SLC24A3: variants seen among roughly 807,000 people sequenced by gnomAD.
SLC24A3 encodes solute carrier family 24 member 3.
In SLC24A3, 28 loss-of-function variants were observed where a neutral mutation model predicts 75.8. That is an observed-to-expected ratio of 0.37 (90% CI 0.27 to 0.51). The LOEUF is 0.51. SLC24A3 is among the 20% of genes least tolerant of loss of function. SLC24A3 has a pLI of 0.94. For synonymous variants in SLC24A3, 372 were observed against 334.1 expected, an observed-to-expected ratio of 1.11 and a Z score of -1.24; for missense variants, 663 against 847.8, an observed-to-expected ratio of 0.78 and a Z score of 2.71.
At chr20:19,242,143 GAA>G (rs781314037) in intron 1 of SLC24A3, among the ~76,000 whole-genome samples, 28 of 152,068 alleles carry the variant, frequency 1.8e-4, no homozygotes, top group Non-Finnish European at 2.8e-4. Context: ...GAATTTCCTG[GAA>G]AAGGCAGAGG....
At chr20:19,310,560 G>A (rs1218655904) in intron 2 of SLC24A3, among the ~76,000 whole-genome samples, 2 of 152,178 alleles carry the variant, frequency 1.3e-5, no homozygotes, top group Non-Finnish European at 2.9e-5. Flanking sequence ...TGGAAGGTCC[G>A]GGTTGCTTCA....
intron 2 of SLC24A3, among the ~76,000 whole-genome samples, chr20:19,484,395 T>C (rs1216188812): frequency 1.3e-5 from 2 of 152,238 alleles, no homozygotes; most frequent in Non-Finnish European, 2.9e-5. Flanking sequence ...GATTTTCTAC[T>C]TGTGGCATCA....
intron 6 of SLC24A3, among the ~76,000 whole-genome samples, chr20:19,608,400 A>G (rs1177644696): frequency 6.6e-6 from 1 of 152,248 alleles, no homozygotes; most frequent in East Asian, 1.9e-4. Context: ...AATGATTACC[A>G]AATGGATTGT....
intron 2 of SLC24A3, among the ~76,000 whole-genome samples, chr20:19,445,725 G>C (rs757847742): frequency 3.9e-5 from 6 of 152,126 alleles, no homozygotes; most frequent in Non-Finnish European, 8.8e-5. Flanking sequence ...GACAAAGTCA[G>C]CTCTGACAGC....
intron 2 of SLC24A3, among the ~76,000 whole-genome samples, chr20:19,388,373 CTT>C (rs1986307388): frequency 1.3e-5 from 2 of 151,924 alleles, no homozygotes; most frequent in Non-Finnish European, 2.9e-5. Context: ...TTTTTTGTCT[CTT>C]GTGACAGTTT....
intron 6 of SLC24A3, among the ~76,000 whole-genome samples, chr20:19,588,047 G>T (rs1415602957): frequency 1.3e-5 from 2 of 152,178 alleles, no homozygotes; most frequent in Non-Finnish European, 2.9e-5. Context: ...GGGATAGTCA[G>T]GGAGAAGGTC....
chr20:19,495,714 T>G (rs1469452110), intron 2 of SLC24A3, among the ~76,000 whole-genome samples: 1 of 152,234 alleles, frequency 6.6e-6, no homozygotes, highest in Non-Finnish European at 1.5e-5. Flanking sequence ...ACTTCTTGCC[T>G]TTTCTCTAGA....
chr20:19,447,281 G>A (rs887120517), intron 2 of SLC24A3, among the ~76,000 whole-genome samples: 1 of 152,162 alleles, frequency 6.6e-6, no homozygotes, highest in Non-Finnish European at 1.5e-5. Context: ...CCCTCCTCTG[G>A]CAAACGGGGA....
intron 1 of SLC24A3, among the ~76,000 whole-genome samples, chr20:19,278,694 C>T (rs763711827): frequency 2.6e-5 from 4 of 152,220 alleles, no homozygotes; most frequent in Non-Finnish European, 4.4e-5. Flanking sequence ...TACATGTGGC[C>T]GCCATGTAGA....
rs1277905466 is a variant in SLC24A3, at chr20:19,721,195, C to T, written c.*55C>T. 1.0e-5 allele frequency: 16 copies of T among 1,599,500 alleles called. No homozygotes were observed. The East Asian group carries it at 1.1e-4, about 11-fold the overall frequency. On this transcript the variant is annotated 3_prime_UTR_variant, in exon 17 of 17. Coordinates refer to ENST00000328041, the MANE Select transcript of SLC24A3 (RefSeq NM_020689.4). ...CTTCTTTTCTGTGCAATACGAGACCCGGCCGCACCCCGAGTCACACAGGCC... is the reference window on the plus strand; with the variant it reads ...CTTCTTTTCTGTGCAATACGAGACCTGGCCGCACCCCGAGTCACACAGGCC...
At chr20:19,582,181 CAA>C (rs2085407951) in intron 4 of SLC24A3, among the ~76,000 whole-genome samples, 1 of 152,254 alleles carries the variant, frequency 6.6e-6, no homozygotes, top group Non-Finnish European at 1.5e-5. Flanking sequence ...CACTTTCTCA[CAA>C]GATGAGAGGA....
chr20:19,578,155 C>A (rs1301171490), intron 3 of SLC24A3, among the ~76,000 whole-genome samples: 2 of 152,138 alleles, frequency 1.3e-5, no homozygotes, highest in African/African-American at 4.8e-5. Context: ...GTGACAGAAA[C>A]TTAAAACTGC....
chr20:19,432,669 G>T (rs1475948080), intron 2 of SLC24A3, among the ~76,000 whole-genome samples: 1 of 152,222 alleles, frequency 6.6e-6, no homozygotes, highest in Non-Finnish European at 1.5e-5. Flanking sequence ...ATATTGCACT[G>T]CGGAGACTGG....
chr20:19,523,717 G>C (rs1457308895), intron 3 of SLC24A3, among the ~76,000 whole-genome samples: 3 of 152,126 alleles, frequency 2.0e-5, no homozygotes, highest in Non-Finnish European at 4.4e-5. Flanking sequence ...TTGCCTTCTT[G>C]AGCCTCAGTT....
chr20:19,471,362 A>G (rs960305731), intron 2 of SLC24A3, among the ~76,000 whole-genome samples: 3 of 152,210 alleles, frequency 2.0e-5, no homozygotes, highest in Non-Finnish European at 4.4e-5. Context: ...TAACGAATAT[A>G]CTATCAAAAT....
intron 1 of SLC24A3, among the ~76,000 whole-genome samples, chr20:19,271,963 C>T (rs886345776): frequency 5.3e-5 from 8 of 152,118 alleles, no homozygotes; most frequent in Admixed American, 2.0e-4. Flanking sequence ...TCCTATTCCC[C>T]GAAAACTATT....
At chr20:19,537,498 A>AGTT (rs1333146622) in intron 3 of SLC24A3, among the ~76,000 whole-genome samples, 15 of 152,134 alleles carry the variant, frequency 9.9e-5, no homozygotes, top group Admixed American at 2.0e-4. Context: ...AACTAGAAAT[A>AGTT]CCATTTGACC....
intron 6 of SLC24A3, among the ~76,000 whole-genome samples, chr20:19,610,148 G>A (rs774237257): frequency 3.3e-4 from 50 of 151,796 alleles, no homozygotes; most frequent in Non-Finnish European, 4.0e-4. Context: ...TGTCTTCCTC[G>A]GCTTTCTTCT....
intron 2 of SLC24A3, among the ~76,000 whole-genome samples, chr20:19,354,133 C>T (rs957215634): frequency 6.6e-6 from 1 of 152,054 alleles, no homozygotes; most frequent in Non-Finnish European, 1.5e-5. Context: ...AAGAATGCAC[C>T]CCTGAAACCC....
Sources: allele counts gnomAD v4.1 joint callset (sites outside exome capture counted in the v4.1 genomes callset), GRCh38; gene constraint gnomAD v4.1.1; transcripts MANE v1.5; gene names NCBI Gene and HGNC (gene_info 2026-07-23, HGNC 2026-07-21).